The following ITGAD variants were observed in gnomAD, a reference collection of about 807,000 sequenced individuals.
ITGAD encodes the protein integrin alpha-D.
ITGAD carries 105 observed loss-of-function variants against 139.0 expected under a neutral mutation model. The observed-to-expected ratio is 0.76, with a 90% CI of 0.65 to 0.89. The LOEUF is 0.89. Ranked by LOEUF, ITGAD falls within the 40% of genes least tolerant of loss-of-function variation. The probability of loss-of-function intolerance (pLI) is 0.00; values close to 1 mark genes in which losing one functional copy is unlikely to be tolerated. For missense variants in ITGAD, 1,384 were observed against 1,487.3 expected, an observed-to-expected ratio of 0.93 and a Z score of 1.14; for synonymous variants, 569 against 598.3, an observed-to-expected ratio of 0.95 and a Z score of 0.71.
At chr16:31,397,768 T>C in intron 4 of ITGAD, 27 bp from the exon 5 acceptor site, 1 of 1,605,368 alleles carries the variant, frequency 6.2e-7, no homozygotes, top group South Asian at 1.1e-5. Flanking sequence ...TGCTAGGGAC[T>C]CCTGGCTCAC....
chr16:31,396,188 T>C (rs1266718213), intron 2 of ITGAD, among the ~76,000 whole-genome samples: 1 of 152,116 alleles, frequency 6.6e-6, no homozygotes, highest in Admixed American at 6.6e-5. Flanking sequence ...AAAGAATACA[T>C]TGGCTGAGTG....
In ITGAD at chr16:31,413,245, A is replaced by G. The variant is rs765048133; in HGVS notation, c.1995A>G (p.Leu665=). The G allele has an allele frequency of 6.2e-7, 1 of 1,613,944 alleles. No individual in the cohort carries two copies. Among genetic ancestry groups the G allele is most frequent in the South Asian group, 1.1e-5 (1 of 91,076 alleles). ...TCCAGAAAAGCTCACTGGACCAGCT[A>G]GGTGTGTTTCCCCCATAAAGGGGGC... ...LTIQKSSLDQ[L]GDIQSSVRFD... The change falls in exon 16 of 30, where the codon CTA becomes CTG. Residue 665 remains leucine, a splice_region_variant and synonymous_variant. Coordinates refer to ENST00000389202, the MANE Select transcript of ITGAD (RefSeq NM_005353.3).
chr16:31,414,023 C>T (rs2081810636), intron 16 of ITGAD, among the ~76,000 whole-genome samples: 1 of 152,182 alleles, frequency 6.6e-6, no homozygotes, highest in African/African-American at 2.4e-5. Flanking sequence ...CCATATCTAT[C>T]TAGCTAGCTA....
intron 5 of ITGAD, among the ~76,000 whole-genome samples, chr16:31,398,665 G>GTC (rs2081333260): frequency 6.6e-6 from 1 of 151,990 alleles, no homozygotes; most frequent in African/African-American, 2.4e-5. Flanking sequence ...AAATGTTTTT[G>GTC]TAGAGATGGG....
rs1162650836 is a variant in ITGAD at position 31,414,847 on chromosome 16, T to C, written c.2152-13T>C. 1.9e-6 allele frequency: 3 copies of C among 1,613,460 alleles called. No homozygotes were observed. ...AGAGGACAGCAGGTTCTTGAAAGCC[T>C]GTTCTCTCTCAGGATTGTGTGGAGG... On this transcript the variant is annotated splice_polypyrimidine_tract_variant and intron_variant, in intron 17 of 29. Coordinates refer to ENST00000389202, the MANE Select transcript of ITGAD (RefSeq NM_005353.3).
intron 16 of ITGAD, among the ~76,000 whole-genome samples, chr16:31,413,688 G>C (rs1048084046): frequency 6.6e-6 from 1 of 152,166 alleles, no homozygotes; most frequent in Non-Finnish European, 1.5e-5. Context: ...TCTCTGACTT[G>C]GCCTCCTGGC....
chr16:31,409,727 T>C (rs547951840), intron 10 of ITGAD, among the ~76,000 whole-genome samples: 2 of 151,518 alleles, frequency 1.3e-5, no homozygotes, highest in Non-Finnish European at 2.9e-5. Context: ...CTGGGCAACA[T>C]AGTGAGACCC....
In ITGAD at chr16:31,397,659, G is replaced by A. The variant is rs754064352; in HGVS notation, c.305G>A (p.Arg102Gln). Residue 102 changes from arginine to glutamine, a missense_variant, in exon 4 of 30, where the codon CGG (arginine) becomes CAG (glutamine). Coordinates refer to ENST00000389202, the MANE Select transcript of ITGAD (RefSeq NM_005353.3). Reference sequence around the variant, plus strand: ...CTGGCAGCCTCCACCAACGGCTCCCGGCTCCTGGTGAGTGAGTGTCTTGGG... The same window carrying A: ...CTGGCAGCCTCCACCAACGGCTCCCAGCTCCTGGTGAGTGAGTGTCTTGGG... Reference protein sequence around the residue: ...LTLAASTNGSRLLACGPTLHR... With the variant: ...LTLAASTNGSQLLACGPTLHR... 75 of 1,601,114 alleles carry A rather than the reference G, an allele frequency of 4.7e-5. 1 individual carries two copies. Among genetic ancestry groups the A allele is most frequent in the South Asian group, 1.3e-4 (12 of 90,192 alleles).
At position 31,426,256 on chromosome 16, in the gene ITGAD, C is replaced by G; in HGVS notation, c.*128C>G. 1 of 643,728 alleles carries G rather than the reference C, an allele frequency of 1.6e-6. No homozygotes were observed. Among genetic ancestry groups the G allele is most frequent in the South Asian group, 1.8e-5 (1 of 55,690 alleles). 39.9% of individuals were successfully genotyped at this position (643,728 alleles called of 1,614,324 possible). On this transcript the variant is annotated 3_prime_UTR_variant, in exon 30 of 30. Coordinates refer to ENST00000389202, the MANE Select transcript of ITGAD (RefSeq NM_005353.3). ...AAGCAACCTACCAGGTGCTAAGCACCTTCTCGGAGAGATAGAGATTGTAAT... is the reference window on the plus strand; with the variant it reads ...AAGCAACCTACCAGGTGCTAAGCACGTTCTCGGAGAGATAGAGATTGTAAT...
intron 2 of ITGAD, among the ~76,000 whole-genome samples, chr16:31,397,041 G>T (rs1447072646): frequency 7.2e-6 from 1 of 139,254 alleles, no homozygotes; most frequent in Non-Finnish European, 1.5e-5. Context: ...ATTGGGAAAT[G>T]CCATTTTGGT....
At position 31,426,259 on chromosome 16, in the gene ITGAD, C is replaced by T. The variant is rs1180716035; in HGVS notation, c.*131C>T. On this transcript the variant is annotated 3_prime_UTR_variant, in exon 30 of 30. Coordinates refer to ENST00000389202, the MANE Select transcript of ITGAD (RefSeq NM_005353.3). ...CAACCTACCAGGTGCTAAGCACCTT[C>T]TCGGAGAGATAGAGATTGTAATGTT... 9.4e-6 allele frequency: 6 copies of T among 637,920 alleles called. No individual in the cohort carries two copies. The African/African-American group carries it at 1.1e-4, about 12-fold the overall frequency. 39.5% of individuals were successfully genotyped at this position (637,920 alleles called of 1,614,324 possible). A position where few individuals can be genotyped will look rare whatever the true frequency, so the allele number is the denominator to read the frequency against.
At chr16:31,405,448 G>A (rs1002597891) in intron 7 of ITGAD, among the ~76,000 whole-genome samples, 6 of 152,014 alleles carry the variant, frequency 3.9e-5, no homozygotes, top group Non-Finnish European at 7.4e-5. Context: ...CTAGTCAACC[G>A]CCCTACAGTA....
At chr16:31,423,712 C>T (rs2082053653) in intron 26 of ITGAD, 64 bp downstream of exon 26, 2 of 1,543,350 alleles carry the variant, frequency 1.3e-6, no homozygotes, top group South Asian at 2.3e-5. Context: ...GGGAAATGTA[C>T]TGCTAGGCCA....
chr16:31,402,178 A>C lies in ITGAD; in HGVS notation c.491A>C (p.Asn164Thr), dbSNP rs779657620. The change falls in exon 6 of 30, where the codon AAT becomes ACT. Residue 164 changes from asparagine (N) to threonine (T), a missense_variant. Asn to Thr is a moderately conservative substitution (Grantham distance 65, BLOSUM62 0). Coordinates refer to ENST00000389202, the MANE Select transcript of ITGAD (RefSeq NM_005353.3). The stretch of plus-strand genomic sequence containing the variant: ...GACGGCTCTGGAAGCATTGACCAAA[A>C]TGACTTTAACCAGATGAAGGGCTTT... The part of the protein sequence containing the change: ...LIDGSGSIDQ[N>T]DFNQMKGFVQ... 6.2e-7 allele frequency: 1 copy of C among 1,601,548 alleles called. No individual in the cohort carries two copies.
chr16:31,426,500 A>T lies in ITGAD; in HGVS notation c.*372A>T. On this transcript the variant is annotated 3_prime_UTR_variant, in exon 30 of 30. Coordinates refer to ENST00000389202, the MANE Select transcript of ITGAD (RefSeq NM_005353.3). ...TTGTGGGCATTGAAAAAGTTTTTTC[A>T]CTTTCTATGGTGATGGGAGCCTGAG... 1 of 243,210 alleles carries T rather than the reference A, an allele frequency of 4.1e-6. No homozygotes were observed. The highest frequency in any genetic ancestry group is 4.8e-5 in the South Asian group (1 of 20,886). The allele number at this position is 243,210 out of a possible 1,614,324, so 15.1% of individuals were successfully genotyped here.
chr16:31,395,089 G>A (rs1234071997), intron 2 of ITGAD, among the ~76,000 whole-genome samples: 2 of 152,192 alleles, frequency 1.3e-5, no homozygotes, highest in Non-Finnish European at 2.9e-5. Context: ...GGCTGAGGCG[G>A]GCAGATCATC....
At chr16:31,425,725 C>A (rs1430457028) in intron 29 of ITGAD, among the ~76,000 whole-genome samples, 2 of 150,150 alleles carry the variant, frequency 1.3e-5, no homozygotes, top group African/African-American at 4.9e-5. Flanking sequence ...CTGTCTTGCC[C>A]AGGCTGGAGT....
At chr16:31,423,053 G>C (rs1488988508) in intron 23 of ITGAD, 61 bp from the exon 24 acceptor site, 4 of 1,307,338 alleles carry the variant, frequency 3.1e-6, no homozygotes, top group South Asian at 2.4e-5. Flanking sequence ...CTCTGCAGTA[G>C]GACAGGGCAC....
At chr16:31,422,230 T>G (rs1344466913) in intron 23 of ITGAD, among the ~76,000 whole-genome samples, 4 of 151,864 alleles carry the variant, frequency 2.6e-5, no homozygotes, top group Admixed American at 6.6e-5. Flanking sequence ...GTGAGCCACC[T>G]CGCCTGGCCA....
Sources: gnomAD v4.1 joint callset for allele counts (sites outside exome capture counted in the v4.1 genomes callset) on GRCh38, gnomAD v4.1.1 for gene constraint, MANE v1.5 for transcripts, NCBI Gene and HGNC (gene_info 2026-07-23, HGNC 2026-07-21) for gene names.